The following SLC24A3 variants were observed in gnomAD, a reference collection of about 807,000 sequenced individuals.
SLC24A3 encodes solute carrier family 24 member 3.
A neutral mutation model predicts 75.8 loss-of-function variants in SLC24A3; 28 were observed. That is an observed-to-expected ratio of 0.37 (90% CI 0.27 to 0.51). SLC24A3 has a LOEUF of 0.51. Among genes scored for constraint, SLC24A3 ranks in the 20% least tolerant of loss-of-function variants. The probability of loss-of-function intolerance (pLI) is 0.94; values close to 1 mark genes in which losing one functional copy is unlikely to be tolerated. For missense variants in SLC24A3, 663 were observed against 847.8 expected, an observed-to-expected ratio of 0.78 and a Z score of 2.71; for synonymous variants, 372 against 334.1, an observed-to-expected ratio of 1.11 and a Z score of -1.24.
intron 3 of SLC24A3, among the ~76,000 whole-genome samples, chr20:19,536,811 C>A (rs2030406881): frequency 6.6e-6 from 1 of 152,174 alleles, no homozygotes; most frequent in Non-Finnish European, 1.5e-5. Context: ...GCTGGGAAAA[C>A]TGGCTAGCCA....
chr20:19,408,535 G>A (rs563203089), intron 2 of SLC24A3, among the ~76,000 whole-genome samples: 1 of 152,042 alleles, frequency 6.6e-6, no homozygotes, highest in South Asian at 2.1e-4. Context: ...GACTACTGGT[G>A]CACACCACTA....
intron 13 of SLC24A3, chr20:19,694,813 C>T (rs1473768211): frequency 6.6e-6 from 1 of 152,330 alleles, no homozygotes; most frequent in Non-Finnish European, 1.5e-5. Context: ...GTCCCAGCCA[C>T]CTGAGCAGTC....
intron 1 of SLC24A3, among the ~76,000 whole-genome samples, chr20:19,226,972 G>A (rs925863899): frequency 7.9e-5 from 12 of 152,076 alleles, no homozygotes; most frequent in African/African-American, 2.9e-4. Flanking sequence ...ATCTCTGCCG[G>A]TTTCTTTAGG....
At position 19,717,531 on chromosome 20, in the gene SLC24A3, C is replaced by T. The variant is rs139008250; in HGVS notation, c.1723C>T (p.Arg575Trp). 1.8e-5 allele frequency: 29 copies of T among 1,613,842 alleles called. No individual in the cohort carries two copies. The highest frequency in any genetic ancestry group is 1.6e-4 in the Middle Eastern group (1 of 6,084). The part of the protein sequence containing the change: ...TLAVDYGSYI[R>W]LNSRGLIYSV... ...TAACTCTAACCCTCTCTTACAGATC[C>T]GGCTGAATAGCAGGGGGCTGATCTA... Residue 575 changes from arginine (R) to tryptophan (W), a missense_variant, in exon 16 of 17, where the codon CGG (arginine) becomes TGG (tryptophan). By Grantham distance (101) the Arg-to-Trp change is moderately radical (BLOSUM62 -3). Transcript: ENST00000328041.
intron 14 of SLC24A3, among the ~76,000 whole-genome samples, chr20:19,698,107 G>T (rs182831464): frequency 1.3e-5 from 2 of 152,218 alleles, no homozygotes; most frequent in East Asian, 1.9e-4. Flanking sequence ...GCAAGAGGGT[G>T]GGGGGAGGTG....
chr20:19,583,100 C>T (rs1414702852), intron 4 of SLC24A3, among the ~76,000 whole-genome samples: 1 of 152,148 alleles, frequency 6.6e-6, no homozygotes, highest in Non-Finnish European at 1.5e-5. Context: ...ATGTCCCATC[C>T]CATCCCAGGG....
At chr20:19,446,772 G>T (rs578099957) in intron 2 of SLC24A3, among the ~76,000 whole-genome samples, 3 of 152,348 alleles carry the variant, frequency 2.0e-5, no homozygotes, top group African/African-American at 7.2e-5. Flanking sequence ...GTCCTGTTCA[G>T]CTCTGTTAAT....
At chr20:19,568,164 G>A (rs1403407332) in intron 3 of SLC24A3, among the ~76,000 whole-genome samples, 1 of 152,162 alleles carries the variant, frequency 6.6e-6, no homozygotes, top group Non-Finnish European at 1.5e-5. Flanking sequence ...TGGAGAAATT[G>A]GAACCCATTT....
At chr20:19,572,903 T>G (rs2031076212) in intron 3 of SLC24A3, among the ~76,000 whole-genome samples, 1 of 152,168 alleles carries the variant, frequency 6.6e-6, no homozygotes, top group African/African-American at 2.4e-5. Context: ...AAAAAAACTT[T>G]TATATTCCAA....
intron 1 of SLC24A3, among the ~76,000 whole-genome samples, chr20:19,241,612 G>A (rs143826941): frequency 3.9e-5 from 6 of 152,336 alleles, no homozygotes; most frequent in South Asian, 2.1e-4. Flanking sequence ...TGCCCGGGGC[G>A]TTTCCCAAAG....
At chr20:19,327,026 G>C (rs1339964938) in intron 2 of SLC24A3, among the ~76,000 whole-genome samples, 1 of 152,072 alleles carries the variant, frequency 6.6e-6, no homozygotes, top group Non-Finnish European at 1.5e-5. Flanking sequence ...AAGGTTTACT[G>C]TTCTCTACAT....
chr20:19,424,729 AAAAAAAAAACAACAAC>A lies in SLC24A3; in HGVS notation c.272-90749_272-90734del, dbSNP rs1430442972. 1.2e-3 allele frequency among the ~76,000 whole-genome samples: 48 copies of A among 39,428 alleles called. 1 individual carries two copies. The highest frequency in any genetic ancestry group is 3.0e-3 in the African/African-American group (33 of 11,088). 25.9% of individuals were successfully genotyped at this position (39,428 alleles called of 152,430 possible). Reference sequence around the variant, plus strand: ...GGGCAACAGAGTGAGACCCTTTCTCAAAAAAAAAACAACAACAAAAAAAAAAAAAAAAAAAAAAAAA... The same window carrying A: ...GGGCAACAGAGTGAGACCCTTTCTCAAAAAAAAAAAAAAAAAAAAAAAAAA... On this transcript the variant is annotated intron_variant, in intron 2 of 16. Transcript: ENST00000328041.
chr20:19,620,820 A>C (rs1415666244), intron 6 of SLC24A3, among the ~76,000 whole-genome samples: 1 of 152,214 alleles, frequency 6.6e-6, no homozygotes, highest in Non-Finnish European at 1.5e-5. Flanking sequence ...TGCCTTGCAA[A>C]GACAGAGAGG....
At position 19,685,141 on chromosome 20, in the gene SLC24A3, A is replaced by G. The variant is rs574317580; in HGVS notation, c.1104A>G (p.Glu368=). ...LINSRAYTNG[E]SEVAIKIPIK... Reference sequence around the variant, plus strand: ...ACAGCAGGGCTTATACCAACGGGGAATCTGAGGTGGCCATCAAAATCCCAA... The same window carrying G: ...ACAGCAGGGCTTATACCAACGGGGAGTCTGAGGTGGCCATCAAAATCCCAA... The change falls in exon 12 of 17, where the codon GAA becomes GAG. Residue 368 remains glutamate (E), a synonymous_variant. Coordinates refer to ENST00000328041, the MANE Select transcript of SLC24A3 (RefSeq NM_020689.4). 1 of 1,613,764 alleles carries G rather than the reference A, an allele frequency of 6.2e-7. No individual in the cohort carries two copies. The highest frequency in any genetic ancestry group is 1.3e-5 in the African/African-American group (1 of 75,042).
chr20:19,333,863 A>T (rs954353712), intron 2 of SLC24A3, among the ~76,000 whole-genome samples: 3 of 152,160 alleles, frequency 2.0e-5, no homozygotes, highest in African/African-American at 7.2e-5. Flanking sequence ...GAATGTAGCC[A>T]TAAGGTTCTT....
chr20:19,533,099 C>G (rs1441713982), intron 3 of SLC24A3, among the ~76,000 whole-genome samples: 3 of 152,208 alleles, frequency 2.0e-5, no homozygotes, highest in Non-Finnish European at 4.4e-5. Flanking sequence ...AATTTGTTAT[C>G]AGTCCTGGGT....
At chr20:19,391,088 C>T (rs1986357189) in intron 2 of SLC24A3, among the ~76,000 whole-genome samples, 2 of 152,196 alleles carry the variant, frequency 1.3e-5, no homozygotes, top group Non-Finnish European at 2.9e-5. Flanking sequence ...ATCCTGGGAC[C>T]AGAACATCTT....
intron 3 of SLC24A3, among the ~76,000 whole-genome samples, chr20:19,557,916 TA>T (rs2030815720): frequency 6.6e-6 from 1 of 152,218 alleles, no homozygotes. Context: ...TTAGCAATAA[TA>T]TCCCCCCTTT....
intron 3 of SLC24A3, among the ~76,000 whole-genome samples, chr20:19,574,892 C>T (rs58953669): frequency 0.029 from 4,340 of 152,176 alleles, 101 homozygotes; most frequent in South Asian, 0.087. Context: ...CTCCAAGGCT[C>T]CAGGCTTTGT....
Sources: gnomAD v4.1 joint callset for allele counts (sites outside exome capture counted in the v4.1 genomes callset) on GRCh38, gnomAD v4.1.1 for gene constraint, MANE v1.5 for transcripts, NCBI Gene and HGNC (gene_info 2026-07-23, HGNC 2026-07-21) for gene names.